METTL2A: variants seen among roughly 807,000 people sequenced by gnomAD.
The protein encoded by METTL2A is tRNA N(3)-cytidine methyltransferase METTL2A.
In METTL2A, 45 loss-of-function variants were observed where a neutral mutation model predicts 49.4. The observed-to-expected ratio is 0.91, with a 90% confidence interval of 0.72 to 1.17. METTL2A has a LOEUF of 1.17. METTL2A is among the 50% of genes most tolerant of loss of function. The pLI, the probability that METTL2A is intolerant of heterozygous loss-of-function variation, is 0.00. For missense variants in METTL2A, 361 were observed against 462.2 expected (o/e 0.78, Z 2.01); for synonymous variants, 118 against 167.5 (o/e 0.70, Z 2.28).
Position 62,424,317 on chromosome 17 carries a change from T to C in METTL2A, c.202+7T>C. On this transcript the variant is annotated splice_region_variant and intron_variant, in intron 2 of 8. Coordinates refer to ENST00000311506, the MANE Select transcript of METTL2A (RefSeq NM_181725.4). ...GTGTGCCAGGAGAAACAAGGTGCGC[T>C]TAAATGGGCTCTCATTGGTATCAAC... 1.2e-6 allele frequency: 2 copies of C among 1,613,834 alleles called. No homozygotes were observed. Among genetic ancestry groups the C allele is most frequent in the East Asian group, 2.2e-5 (1 of 44,860 alleles).
chr17:62,450,614 C>T lies in METTL2A; in HGVS notation c.*1885C>T, dbSNP rs1429196264. 2 of 152,034 alleles carry T rather than the reference C, an allele frequency of 1.3e-5. No individual in the cohort carries two copies. The highest frequency in any genetic ancestry group is 1.5e-5 in the Non-Finnish European group (1 of 68,044). 9.4% of individuals were successfully genotyped at this position (152,034 alleles called of 1,614,324 possible). On this transcript the variant is annotated 3_prime_UTR_variant, in exon 9 of 9. Transcript: ENST00000311506. ...CCGAGGTGGGCAGATCACTTGAGGT[C>T]AGGAGTTCCAGTCCAGCCTGGCTAA...
intron 4 of METTL2A, among the ~76,000 whole-genome samples, chr17:62,432,161 C>T (rs1282567871): frequency 1.3e-5 from 2 of 152,150 alleles, no homozygotes; most frequent in African/African-American, 2.4e-5. Flanking sequence ...AATCTCTAGC[C>T]CTAAGCAACC....
At chr17:62,445,077 A>T in intron 7 of METTL2A, 134 bp downstream of exon 7, 1 of 864,660 alleles carries the variant, frequency 1.2e-6, no homozygotes, top group Non-Finnish European at 1.6e-6. Context: ...CTCACTCATA[A>T]GTGGGAGTTG....
rs1241231210 is a variant in METTL2A at position 62,453,303 on chromosome 17, G to T, written c.*4574G>T. ...TTCATCCTCAGAATCGCTAATGATGGGCAGAGGACTGTTACATTTGTTGGG... is the reference window on the plus strand; with the variant it reads ...TTCATCCTCAGAATCGCTAATGATGTGCAGAGGACTGTTACATTTGTTGGG... On this transcript the variant is annotated 3_prime_UTR_variant, in exon 9 of 9. Transcript: ENST00000311506. Among the ~76,000 whole-genome samples the T allele has an allele frequency of 1.3e-5, 2 of 152,136 alleles. No individual in the cohort carries two copies. Among genetic ancestry groups the T allele is most frequent in the Non-Finnish European group, 2.9e-5 (2 of 68,030 alleles).
chr17:62,443,092 A>AGGTTTAATAATT (rs2070747559), intron 6 of METTL2A, among the ~76,000 whole-genome samples: 1 of 152,166 alleles, frequency 6.6e-6, no homozygotes, highest in Non-Finnish European at 1.5e-5. Context: ...GCAGAGGTTG[A>AGGTTTAATAATT]CCAGGCACAG....
chr17:62,430,571 C>A (rs1250939285), intron 4 of METTL2A, among the ~76,000 whole-genome samples: 5 of 152,118 alleles, frequency 3.3e-5, no homozygotes, highest in African/African-American at 1.2e-4. Flanking sequence ...CCCCTGACTC[C>A]GTACCTTTCC....
intron 7 of METTL2A, among the ~76,000 whole-genome samples, 172 bp downstream of exon 7, chr17:62,445,115 G>A (rs1331296857): frequency 6.6e-6 from 1 of 151,316 alleles, no homozygotes; most frequent in Non-Finnish European, 1.5e-5. Context: ...GACACGGGGC[G>A]GGGGGCATCA....
rs2144161205 is a variant in METTL2A at position 62,448,819 on chromosome 17, G to A, written c.*90G>A. The A allele has an allele frequency of 1.9e-6, 3 of 1,544,946 alleles. No individual in the cohort carries two copies. The highest frequency in any genetic ancestry group is 2.6e-6 in the Non-Finnish European group (3 of 1,144,924). On this transcript the variant is annotated 3_prime_UTR_variant, in exon 9 of 9. Coordinates refer to ENST00000311506, the MANE Select transcript of METTL2A (RefSeq NM_181725.4). ...GTAGCACTGGGCGTGGTGCATGCCT[G>A]TAATCCCAGCCACTCAGGAGGCTGA...
At chr17:62,429,237 G>A (rs1396003531) in intron 4 of METTL2A, among the ~76,000 whole-genome samples, 1 of 151,844 alleles carries the variant, frequency 6.6e-6, no homozygotes, top group African/African-American at 2.4e-5. Context: ...GCCCTTACTA[G>A]TGTTGGCCCC....
At chr17:62,440,433 C>T (rs2070731353) in intron 5 of METTL2A, among the ~76,000 whole-genome samples, 184 bp from the exon 6 acceptor site, 1 of 152,080 alleles carries the variant, frequency 6.6e-6, no homozygotes, top group South Asian at 2.1e-4. Flanking sequence ...ATCGCGTGAA[C>T]CCAAGAGTTT....
intron 7 of METTL2A, among the ~76,000 whole-genome samples, chr17:62,445,498 A>T (rs2070762729): frequency 6.6e-6 from 1 of 152,088 alleles, no homozygotes; most frequent in South Asian, 2.1e-4. Flanking sequence ...AGCTTTTATT[A>T]GAAAGACATT....
At chr17:62,425,766 C>T (rs1457119217) in intron 2 of METTL2A, among the ~76,000 whole-genome samples, 3 of 147,604 alleles carry the variant, frequency 2.0e-5, no homozygotes, top group Non-Finnish European at 3.0e-5. Flanking sequence ...TTTGGGAGGC[C>T]GAGGCGGGTG....
intron 3 of METTL2A, 127 bp from the exon 4 acceptor site, chr17:62,427,661 C>T: frequency 1.4e-6 from 2 of 1,402,384 alleles, no homozygotes; most frequent in Non-Finnish European, 1.9e-6. Context: ...CTGTTTAGCT[C>T]TGGTCACTAC....
chr17:62,426,847 A>G (rs2923241), intron 3 of METTL2A, among the ~76,000 whole-genome samples, 193 bp downstream of exon 3: 13 of 152,254 alleles, frequency 8.5e-5, no homozygotes, highest in Non-Finnish European at 1.3e-4. Flanking sequence ...GATATCTGGT[A>G]GTCATGACGG....
At chr17:62,424,966 A>T (rs998196664) in intron 2 of METTL2A, among the ~76,000 whole-genome samples, 19 of 150,868 alleles carry the variant, frequency 1.3e-4, no homozygotes, top group African/African-American at 4.6e-4. Context: ...GTTCTGTACA[A>T]CAAAAAGATT....
In METTL2A at chr17:62,449,476, CA is replaced by C; in HGVS notation, c.*749del. The C allele has an allele frequency of 2.3e-6, 1 of 432,182 alleles. No homozygotes were observed. The allele number at this position is 432,182 out of a possible 1,614,324, so 26.8% of individuals were successfully genotyped here. On this transcript the variant is annotated 3_prime_UTR_variant, in exon 9 of 9. Coordinates refer to ENST00000311506, the MANE Select transcript of METTL2A (RefSeq NM_181725.4). ...CTGTAATCCCAGCACTTTGGGAGGC[CA>C]AGGCGGGCGGATCAGCTGAGGTCAG...
chr17:62,424,127 C>T (rs1002438224), intron 1 of METTL2A, 92 bp from the exon 2 acceptor site: 40 of 1,593,790 alleles, frequency 2.5e-5, no homozygotes, highest in Non-Finnish European at 3.2e-5. Context: ...ACCCGAGGCA[C>T]TCTCCAAGGG....
intron 2 of METTL2A, among the ~76,000 whole-genome samples, chr17:62,425,537 C>T (rs2070618367): frequency 6.7e-6 from 1 of 149,830 alleles, no homozygotes; most frequent in Non-Finnish European, 1.5e-5. Context: ...CAGGTGTGCA[C>T]CACCACGCCT....
intron 5 of METTL2A, among the ~76,000 whole-genome samples, chr17:62,436,228 T>C (rs8075460): frequency 0.14 from 21,833 of 151,466 alleles, 3,928 homozygotes; most frequent in East Asian, 0.45. Flanking sequence ...GACAACAGAG[T>C]GAGACTCCAT....
Sources: gnomAD v4.1 joint callset for allele counts (sites outside exome capture counted in the v4.1 genomes callset) on GRCh38, gnomAD v4.1.1 for gene constraint, MANE v1.5 for transcripts, NCBI Gene and HGNC (gene_info 2026-07-23, HGNC 2026-07-21) for gene names.